The following ATP10A variants were observed in gnomAD, a reference collection of about 807,000 sequenced individuals.
The protein encoded by ATP10A is ATPase phospholipid transporting 10A (putative), also known as phospholipid-transporting ATPase VA.
Under a neutral mutation model 147.8 loss-of-function variants are expected in ATP10A, and 111 were observed. The ratio of observed to expected loss-of-function variants is 0.75; its 90% confidence interval spans 0.64 to 0.88. The LOEUF (loss-of-function observed/expected upper bound fraction) is 0.88, where lower values mean the gene tolerates loss of function less well. ATP10A is among the 40% of genes least tolerant of loss of function. ATP10A has a pLI of 0.00. For missense variants in ATP10A, 1,927 were observed against 1,959.0 expected, an observed-to-expected ratio of 0.98 and a Z score of 0.31; for synonymous variants, 875 against 841.6, an observed-to-expected ratio of 1.04 and a Z score of -0.69.
At chr15:25,713,040 G>T (rs1192900145) in intron 10 of ATP10A, among the ~76,000 whole-genome samples, 1 of 152,192 alleles carries the variant, frequency 6.6e-6, no homozygotes, top group African/African-American at 2.4e-5. Flanking sequence ...TACTTCCAAG[G>T]TGCAGCAAAT....
At chr15:25,693,303 G>A (rs1036044951) in intron 14 of ATP10A, among the ~76,000 whole-genome samples, 2 of 152,194 alleles carry the variant, frequency 1.3e-5, no homozygotes, top group African/African-American at 2.4e-5. Context: ...GATGACTGGT[G>A]TGAACCACGT....
intron 13 of ATP10A, among the ~76,000 whole-genome samples, chr15:25,696,974 C>A (rs1321938620): frequency 6.6e-6 from 1 of 152,126 alleles, no homozygotes; most frequent in South Asian, 2.1e-4. Context: ...CCCCACTTGG[C>A]GCTGGATGCA....
At chr15:25,804,674 C>G (rs1891102213) in intron 1 of ATP10A, among the ~76,000 whole-genome samples, 2 of 152,154 alleles carry the variant, frequency 1.3e-5, no homozygotes, top group Non-Finnish European at 2.9e-5. Flanking sequence ...GCATCTCACT[C>G]CTGTGAGCTG....
At chr15:25,843,869 C>T (rs1025709737) in intron 1 of ATP10A, among the ~76,000 whole-genome samples, 5 of 152,156 alleles carry the variant, frequency 3.3e-5, no homozygotes, top group African/African-American at 4.8e-5. Flanking sequence ...TTCAAGAACA[C>T]GGACCAGGCA....
At chr15:25,793,720 A>C (rs535736999) in intron 1 of ATP10A, among the ~76,000 whole-genome samples, 7 of 152,358 alleles carry the variant, frequency 4.6e-5, no homozygotes, top group African/African-American at 1.7e-4. Flanking sequence ...GTGGCCTCCC[A>C]AGAGTTGTGG....
chr15:25,734,817 T>A (rs1257493261), intron 3 of ATP10A, among the ~76,000 whole-genome samples: 4 of 152,162 alleles, frequency 2.6e-5, no homozygotes, highest in Non-Finnish European at 4.4e-5. Flanking sequence ...CAGCTTTTGC[T>A]GTGCAGAGTT....
chr15:25,706,348 CACA>C (rs1364916754), intron 12 of ATP10A, among the ~76,000 whole-genome samples: 1 of 152,214 alleles, frequency 6.6e-6, no homozygotes, highest in Non-Finnish European at 1.5e-5. Flanking sequence ...AGACTCACCA[CACA>C]ACCGCTCAGT....
At chr15:25,843,753 T>C (rs958059470) in intron 1 of ATP10A, among the ~76,000 whole-genome samples, 1 of 152,190 alleles carries the variant, frequency 6.6e-6, no homozygotes, top group Non-Finnish European at 1.5e-5. Flanking sequence ...AACTCCCATC[T>C]GAGCTATCTG....
At chr15:25,711,548 A>T (rs1160101342) in intron 10 of ATP10A, among the ~76,000 whole-genome samples, 1 of 152,124 alleles carries the variant, frequency 6.6e-6, no homozygotes, top group African/African-American at 2.4e-5. Flanking sequence ...TAACCTGCCC[A>T]GTGTTGACAC....
chr15:25,755,412 G>T (rs1311452051), intron 2 of ATP10A, among the ~76,000 whole-genome samples: 1 of 152,118 alleles, frequency 6.6e-6, no homozygotes, highest in African/African-American at 2.4e-5. Context: ...CTACTTATGG[G>T]CCAGGCAATG....
chr15:25,718,056 G>A, intron 8 of ATP10A, 126 bp downstream of exon 8: 1 of 1,030,374 alleles, frequency 9.7e-7, no homozygotes, highest in Middle Eastern at 2.2e-4. Flanking sequence ...CTTCTGCTGA[G>A]TAGAGCCAAG....
At chr15:25,704,146 G>C (rs1299296379) in intron 12 of ATP10A, among the ~76,000 whole-genome samples, 1 of 152,216 alleles carries the variant, frequency 6.6e-6, no homozygotes, top group East Asian at 1.9e-4. Context: ...GGCTCATCCT[G>C]AGTGTCACTT....
chr15:25,680,663 G>A, intron 19 of ATP10A, 147 bp downstream of exon 19: 1 of 794,466 alleles, frequency 1.3e-6, no homozygotes. Context: ...TCGGGAATGT[G>A]TCATTGTCCT....
At chr15:25,709,083 G>A (rs1421198409) in intron 10 of ATP10A, 2 of 152,236 alleles carry the variant, frequency 1.3e-5, no homozygotes, top group Admixed American at 1.3e-4. Flanking sequence ...CCTCAAGGGA[G>A]TGATCACTGG....
intron 2 of ATP10A, among the ~76,000 whole-genome samples, chr15:25,745,877 A>G (rs995819970): frequency 1.2e-4 from 19 of 152,202 alleles, no homozygotes; most frequent in Non-Finnish European, 2.8e-4. Context: ...ACCATATTAT[A>G]GTAAGAAGCA....
intron 1 of ATP10A, among the ~76,000 whole-genome samples, chr15:25,823,193 G>C (rs1327387149): frequency 6.6e-6 from 1 of 152,080 alleles, no homozygotes; most frequent in Non-Finnish European, 1.5e-5. Context: ...TAAAGAATCT[G>C]GCTTCAATGG....
intron 1 of ATP10A, among the ~76,000 whole-genome samples, chr15:25,859,276 G>A (rs891824283): frequency 7.2e-5 from 11 of 152,162 alleles, no homozygotes; most frequent in African/African-American, 2.7e-4. Flanking sequence ...GTTCCAGCTG[G>A]ACACTCAGTG....
intron 2 of ATP10A, among the ~76,000 whole-genome samples, chr15:25,771,749 C>T (rs1018708737): frequency 6.6e-6 from 1 of 151,696 alleles, no homozygotes; most frequent in Non-Finnish European, 1.5e-5. Context: ...CTCCTGAAAG[C>T]CACCTTTTTT....
intron 1 of ATP10A, among the ~76,000 whole-genome samples, chr15:25,819,858 G>A (rs1274372680): frequency 1.3e-5 from 2 of 152,130 alleles, no homozygotes; most frequent in Admixed American, 6.5e-5. Flanking sequence ...TCACTTATCA[G>A]TGGGAGCTAA....
Sources: gnomAD v4.1 joint callset for allele counts (sites outside exome capture counted in the v4.1 genomes callset) on GRCh38, gnomAD v4.1.1 for gene constraint, MANE v1.5 for transcripts, NCBI Gene and HGNC (gene_info 2026-07-23, HGNC 2026-07-21) for gene names.